Variants in PPP6R2 observed in about 807,000 individuals in gnomAD.
The protein encoded by PPP6R2 is protein phosphatase 6 regulatory subunit 2.
PPP6R2 carries 62 observed loss-of-function variants against 100.2 expected under a neutral mutation model. The observed-to-expected ratio is 0.62, with a 90% confidence interval of 0.50 to 0.76. The LOEUF (loss-of-function observed/expected upper bound fraction) is 0.76. Among genes scored for constraint, PPP6R2 ranks in the 30% least tolerant of loss-of-function variants. PPP6R2 has a pLI of 0.00. For synonymous variants in PPP6R2, 525 were observed against 514.7 expected, an observed-to-expected ratio of 1.02 and a Z score of -0.27; for missense variants, 1,142 against 1,276.3, an observed-to-expected ratio of 0.89 and a Z score of 1.60.
At chr22:50,436,140 C>A (rs2064198128) in intron 13 of PPP6R2, among the ~76,000 whole-genome samples, 1 of 152,242 alleles carries the variant, frequency 6.6e-6, no homozygotes. Flanking sequence ...ACCCTGCCCA[C>A]AGGTGCTGCA....
At chr22:50,336,466 C>T in the PPP6R2 span, among the ~76,000 whole-genome samples, 8 of 152,082 alleles carry the variant, frequency 5.3e-5, no homozygotes, top group South Asian at 4.1e-4. Context: ...ACCCTCCACT[C>T]GCGGGTTCAA....
rs145481472 is a variant in PPP6R2, at chr22:50,414,665, C to T, written c.528C>T (p.Ala176=). 98 of 1,612,588 alleles carry T rather than the reference C, an allele frequency of 6.1e-5. No homozygotes were observed. The Middle Eastern group carries it at 2.3e-3, about 38-fold the overall frequency. Residue 176 remains alanine (A), a synonymous_variant, in exon 5 of 24, where the codon GCC becomes GCT. Coordinates refer to ENST00000612753, the MANE Select transcript of PPP6R2 (RefSeq NM_001242898.2). ...LLRLVSCVEP[A]GLRQDVLHWL... ...GCCTGGTCAGCTGTGTGGAGCCAGC[C>T]GGGCTCCGGCAGGACGTCCTGCACG...
chr22:50,375,836 T>A (rs1454239076), intron 2 of PPP6R2, among the ~76,000 whole-genome samples: 1 of 123,976 alleles, frequency 8.1e-6, no homozygotes, highest in Non-Finnish European at 1.6e-5. Context: ...CTGCAGATTT[T>A]TTTTTTTTTT....
intron 1 of PPP6R2, among the ~76,000 whole-genome samples, chr22:50,370,801 T>C (rs1351401190): frequency 1.3e-5 from 2 of 151,398 alleles, no homozygotes. Flanking sequence ...GCCTCGCTAG[T>C]TTTTGTATTT....
chr22:50,358,894 T>C (rs2047150408), intron 1 of PPP6R2, among the ~76,000 whole-genome samples: 1 of 152,088 alleles, frequency 6.6e-6, no homozygotes, highest in African/African-American at 2.4e-5. Context: ...GTTTTTTCTG[T>C]TCCATTGGTT....
At chr22:50,384,963 G>T (rs867373598) in intron 2 of PPP6R2, among the ~76,000 whole-genome samples, 17 of 152,062 alleles carry the variant, frequency 1.1e-4, no homozygotes, top group African/African-American at 3.6e-4. Context: ...TAGCAGGCTG[G>T]TCTCAAACTC....
intron 6 of PPP6R2, among the ~76,000 whole-genome samples, chr22:50,418,108 A>C (rs527732648): frequency 2.6e-5 from 4 of 152,306 alleles, no homozygotes; most frequent in African/African-American, 9.6e-5. Context: ...GCAGCTACTT[A>C]TTACCACATT....
intron 12 of PPP6R2, among the ~76,000 whole-genome samples, chr22:50,433,817 T>C (rs1357733293): frequency 6.8e-5 from 2 of 29,474 alleles, no homozygotes; most frequent in South Asian, 1.9e-3. Flanking sequence ...GGGCCGGGCA[T>C]TTGCCCTGGA....
chr22:50,444,268 G>A lies in PPP6R2; in HGVS notation c.*21G>A, dbSNP rs559695426. ...TGTGATGCTGCTGCCGCCCGGCCACGGCCCACCCTGGTCAGGCTGCCTCCT... is the reference window on the plus strand; with the variant it reads ...TGTGATGCTGCTGCCGCCCGGCCACAGCCCACCCTGGTCAGGCTGCCTCCT... On this transcript the variant is annotated 3_prime_UTR_variant, in exon 24 of 24. Transcript: ENST00000612753. 57 of 1,611,288 alleles carry A rather than the reference G, an allele frequency of 3.5e-5. 1 individual carries two copies. The highest frequency in any genetic ancestry group is 9.9e-5 in the South Asian group (9 of 90,716).
intron 15 of PPP6R2, 148 bp from the exon 16 acceptor site, chr22:50,437,358 C>A: frequency 1.5e-6 from 1 of 666,064 alleles, no homozygotes; most frequent in Non-Finnish European, 2.7e-6. Flanking sequence ...GAATCGTGAG[C>A]CCTGAACAGA....
intron 2 of PPP6R2, among the ~76,000 whole-genome samples, chr22:50,374,702 T>A (rs1235412419): frequency 6.6e-6 from 1 of 151,540 alleles, no homozygotes; most frequent in African/African-American, 2.4e-5. Flanking sequence ...GATCATAAGG[T>A]CAGGAGATTG....
intron 3 of PPP6R2, among the ~76,000 whole-genome samples, chr22:50,395,889 A>G (rs900479098): frequency 6.7e-6 from 1 of 148,896 alleles, no homozygotes; most frequent in Non-Finnish European, 1.5e-5. Flanking sequence ...ACCTGTTTAA[A>G]TGGTTGGGGA....
At chr22:50,419,539 G>C in intron 8 of PPP6R2, 77 bp downstream of exon 8, 1 of 981,180 alleles carries the variant, frequency 1.0e-6, no homozygotes, top group South Asian at 1.4e-5. Flanking sequence ...GAGCAGTCTG[G>C]ATTATGTCAT....
At chr22:50,366,767 A>G (rs114502098) in intron 1 of PPP6R2, among the ~76,000 whole-genome samples, 8 of 152,126 alleles carry the variant, frequency 5.3e-5, no homozygotes, top group African/African-American at 1.9e-4. Flanking sequence ...AACTCGAGCT[A>G]CCTTGGACTG....
At chr22:50,362,189 A>G (rs1374506504) in intron 1 of PPP6R2, among the ~76,000 whole-genome samples, 1 of 152,140 alleles carries the variant, frequency 6.6e-6, no homozygotes, top group Non-Finnish European at 1.5e-5. Flanking sequence ...CATCCTCATA[A>G]TGCTGGCCAT....
Position 50,444,083 on chromosome 22 carries a change from A to C in PPP6R2, c.2797A>C (p.Met933Leu). 1 of 1,612,764 alleles carries C rather than the reference A, an allele frequency of 6.2e-7. No homozygotes were observed. The highest frequency in any genetic ancestry group is 8.5e-7 in the Non-Finnish European group (1 of 1,179,310). ...CATGGCAGTCACAGCAGCCCCAGCC[A>C]TGGTGGCCACCCTGGGGACAGTGAC... ...PIMAVTAAPA[M>L]VATLGTVTKD... The change falls in exon 23 of 24, where the codon ATG becomes CTG. Residue 933 changes from methionine to leucine, a missense_variant. Coordinates refer to ENST00000612753, the MANE Select transcript of PPP6R2 (RefSeq NM_001242898.2).
chr22:50,336,204 G>T, the PPP6R2 span, among the ~76,000 whole-genome samples: 1 of 151,694 alleles, frequency 6.6e-6, no homozygotes, highest in African/African-American at 2.4e-5. Context: ...TAGCCAGGAT[G>T]GTCTCGATCT....
chr22:50,432,609 C>G (rs2063369069), intron 12 of PPP6R2, among the ~76,000 whole-genome samples: 2 of 152,358 alleles, frequency 1.3e-5, no homozygotes, highest in South Asian at 4.1e-4. Context: ...TGGCTTTGCC[C>G]TCTTGTGGGT....
chr22:50,438,809 A>G (rs1309978281), intron 19 of PPP6R2, 47 bp downstream of exon 19: 26 of 1,522,618 alleles, frequency 1.7e-5, no homozygotes, highest in Non-Finnish European at 2.3e-5. Context: ...CGGGGACAGG[A>G]CATGGTACCC....
Sources: allele counts gnomAD v4.1 joint callset (sites outside exome capture counted in the v4.1 genomes callset), GRCh38; gene constraint gnomAD v4.1.1; transcripts MANE v1.5; gene names NCBI Gene and HGNC (gene_info 2026-07-23, HGNC 2026-07-21).